Variants in CCDC7 observed in about 807,000 individuals in gnomAD.
CCDC7 encodes coiled-coil domain-containing protein 7.
CCDC7 carries 183 observed loss-of-function variants against 196.9 expected under a neutral mutation model. That is an observed-to-expected ratio of 0.93 (90% CI 0.82 to 1.05). The LOEUF (loss-of-function observed/expected upper bound fraction) is 1.05. CCDC7 is among the 50% of genes least tolerant of loss of function. CCDC7 has a pLI of 0.00. For missense variants in CCDC7, 1,540 were observed against 1,482.2 expected, an observed-to-expected ratio of 1.04 and a Z score of -0.64; for synonymous variants, 525 against 484.6, an observed-to-expected ratio of 1.08 and a Z score of -1.10.
chr10:32,675,107 T>A (rs1348750247), intron 21 of CCDC7, among the ~76,000 whole-genome samples: 3 of 152,156 alleles, frequency 2.0e-5, no homozygotes, highest in African/African-American at 4.8e-5. Flanking sequence ...AAATTATTAT[T>A]GCTAGGTGAA....
chr10:32,689,085 C>T lies in CCDC7; in HGVS notation c.2266C>T (p.Leu756Phe). Residue 756 changes from leucine to phenylalanine, a missense_variant, in exon 23 of 42, where the codon CTT (leucine) becomes TTT (phenylalanine). Transcript: ENST00000639629. ...TAAAGAACCAAATGAAAATCTTATA[C>T]TTAGGCATCAAGACTCAATGTCAAA... The T allele has an allele frequency of 1.9e-6, 3 of 1,606,454 alleles. No individual in the cohort carries two copies. The South Asian group carries it at 3.3e-5, about 18-fold the overall frequency.
At chr10:32,538,651 A>G (rs1393091724) in intron 11 of CCDC7, among the ~76,000 whole-genome samples, 1 of 152,202 alleles carries the variant, frequency 6.6e-6, no homozygotes, top group Non-Finnish European at 1.5e-5. Flanking sequence ...ATTTTGATGC[A>G]TGTTCCTTCA....
intron 15 of CCDC7, 82 bp downstream of exon 16, chr10:32,567,973 A>C (rs2057067099): frequency 1.1e-5 from 13 of 1,205,720 alleles, no homozygotes; most frequent in Non-Finnish European, 1.4e-5. Flanking sequence ...TCATTTGTAT[A>C]TGTTATTTAA....
chr10:32,595,177 C>T (rs927521264), intron 18 of CCDC7, among the ~76,000 whole-genome samples: 15 of 152,276 alleles, frequency 9.9e-5, no homozygotes, highest in Non-Finnish European at 1.5e-4. Flanking sequence ...TCTGTCTGGT[C>T]CTGGACTTTT....
At chr10:32,701,515 G>A (rs1207134986) in intron 24 of CCDC7, among the ~76,000 whole-genome samples, 1 of 152,150 alleles carries the variant, frequency 6.6e-6, no homozygotes, top group Non-Finnish European at 1.5e-5. Context: ...TTGGTATCAG[G>A]ATGATGCTGG....
chr10:32,686,916 C>G (rs759694970), intron 22 of CCDC7, among the ~76,000 whole-genome samples: 5 of 152,194 alleles, frequency 3.3e-5, no homozygotes, highest in Non-Finnish European at 7.3e-5. Flanking sequence ...AGGAACAGAA[C>G]TGTTTCCAGA....
At chr10:32,717,930 T>C (rs1305288727) in intron 25 of CCDC7, among the ~76,000 whole-genome samples, 1 of 148,862 alleles carries the variant, frequency 6.7e-6, no homozygotes, top group African/African-American at 2.5e-5. Context: ...CCAGACAGAT[T>C]CACAGCTAAA....
intron 32 of CCDC7, among the ~76,000 whole-genome samples, chr10:32,830,959 AC>A (rs1253748690): frequency 6.6e-6 from 1 of 152,214 alleles, no homozygotes; most frequent in African/African-American, 2.4e-5. Flanking sequence ...TAGCAAGAGA[AC>A]AACTACAGTC....
chr10:32,837,401 C>T (rs75015736), intron 33 of CCDC7, among the ~76,000 whole-genome samples: 74,093 of 151,654 alleles, frequency 0.49, 19,075 homozygotes, highest in Non-Finnish European at 0.59. Context: ...GTTAGAATGG[C>T]GATCATTAAA....
At chr10:32,756,213 C>T (rs1333789268) in intron 28 of CCDC7, among the ~76,000 whole-genome samples, 4 of 152,106 alleles carry the variant, frequency 2.6e-5, no homozygotes, top group East Asian at 1.9e-4. Context: ...ATTTCCCCAA[C>T]CTAGCAAGGC....
chr10:32,777,925 G>C (rs1332694832), intron 28 of CCDC7, among the ~76,000 whole-genome samples: 2 of 152,160 alleles, frequency 1.3e-5, no homozygotes, highest in African/African-American at 4.8e-5. Context: ...GTTTTAAATT[G>C]CATTTCTCTG....
intron 18 of CCDC7, among the ~76,000 whole-genome samples, chr10:32,621,068 G>T (rs1331454708): frequency 6.6e-6 from 1 of 152,106 alleles, no homozygotes; most frequent in Non-Finnish European, 1.5e-5. Context: ...GACAAAGCTG[G>T]TTTAGTCTGA....
chr10:32,822,134 GA>G (rs2090352566), intron 31 of CCDC7, among the ~76,000 whole-genome samples: 2 of 152,080 alleles, frequency 1.3e-5, no homozygotes, highest in South Asian at 4.2e-4. Context: ...AAATTCTAAA[GA>G]AATTTCTTCA....
At chr10:32,621,792 T>G (rs941436116) in intron 18 of CCDC7, among the ~76,000 whole-genome samples, 2 of 152,162 alleles carry the variant, frequency 1.3e-5, no homozygotes, top group African/African-American at 4.8e-5. Context: ...GCTCTGCGTT[T>G]TTGTTCTATT....
chr10:32,742,585 C>A (rs1256042332), intron 28 of CCDC7, among the ~76,000 whole-genome samples: 1 of 152,184 alleles, frequency 6.6e-6, no homozygotes, highest in African/African-American at 2.4e-5. Context: ...CAGTTGGAAT[C>A]ATACAGTATG....
Position 32,699,066 on chromosome 10 carries a change from T to A in CCDC7, c.2458+4074T>A, listed in dbSNP as rs549721850. On this transcript the variant is annotated intron_variant, in intron 24 of 41. Coordinates refer to ENST00000639629, the Ensembl canonical transcript of CCDC7. ...GCCAGTATTAAACATTCTTTTTTTT[T>A]ATTTTACTTTAAGTTTTAGGGTACA... 1.8e-3 allele frequency among the ~76,000 whole-genome samples: 277 copies of A among 152,124 alleles called. 2 individuals carry two copies. Among genetic ancestry groups the A allele is most frequent in the African/African-American group, 5.5e-3 (228 of 41,528 alleles).
chr10:32,845,369 G>A, intron 34 of CCDC7, 43 bp downstream of exon 35: 1 of 1,399,566 alleles, frequency 7.1e-7, no homozygotes. Context: ...ATGGCTGATT[G>A]ATATTCCCTG....
intron 9 of CCDC7, among the ~76,000 whole-genome samples, chr10:32,504,546 A>G (rs931902989): frequency 7.9e-5 from 12 of 152,236 alleles, no homozygotes; most frequent in African/African-American, 2.9e-4. Context: ...CATCTATTGC[A>G]ATAAACTTCC....
At chr10:32,498,551 T>G (rs917449278) in intron 9 of CCDC7, among the ~76,000 whole-genome samples, 3 of 152,170 alleles carry the variant, frequency 2.0e-5, no homozygotes, top group Non-Finnish European at 4.4e-5. Context: ...AGTGTTTCCT[T>G]TAGGAGCTCA....
Sources: gnomAD v4.1 joint callset for allele counts (sites outside exome capture counted in the v4.1 genomes callset) on GRCh38, gnomAD v4.1.1 for gene constraint, MANE v1.5 for transcripts, NCBI Gene and HGNC (gene_info 2026-07-23, HGNC 2026-07-21) for gene names.